Variants in FHIT observed in about 807,000 individuals in gnomAD.
FHIT encodes bis(5'-adenosyl)-triphosphatase.
FHIT carries 19 observed loss-of-function variants against 17.9 expected under a neutral mutation model. The ratio of observed to expected loss-of-function variants is 1.06; its 90% CI spans 0.74 to 1.56. FHIT has a LOEUF of 1.56. Ranked by LOEUF, FHIT falls within the 40% of genes most tolerant of loss-of-function variation. FHIT has a pLI of 0.00. For missense variants in FHIT, 248 were observed against 189.2 expected (o/e 1.31, Z -1.82); for synonymous variants, 81 against 69.7 (o/e 1.16, Z -0.81).
chr3:60,580,797 T>C (rs1448714576), intron 4 of FHIT, among the ~76,000 whole-genome samples: 1 of 152,038 alleles, frequency 6.6e-6, no homozygotes, highest in Admixed American at 6.6e-5. Context: ...TGAGGCTGTC[T>C]GGAGTAATTA....
intron 8 of FHIT, among the ~76,000 whole-genome samples, chr3:59,920,682 T>C (rs1483977768): frequency 6.6e-6 from 1 of 152,234 alleles, no homozygotes; most frequent in African/African-American, 2.4e-5. Context: ...CGTGCTAATT[T>C]ATTCATTAAA....
chr3:61,216,372 A>T (rs1451445193), intron 1 of FHIT, among the ~76,000 whole-genome samples: 2 of 152,234 alleles, frequency 1.3e-5, no homozygotes, highest in African/African-American at 4.8e-5. Context: ...ACATTTATGC[A>T]GCCAAAAAAC....
chr3:60,270,402 T>C (rs990607159), intron 5 of FHIT, among the ~76,000 whole-genome samples: 12 of 152,198 alleles, frequency 7.9e-5, no homozygotes, highest in African/African-American at 2.9e-4. Context: ...TGGTTCTACC[T>C]TTTTAAAACA....
chr3:60,902,990 G>A (rs1478362071), intron 3 of FHIT, among the ~76,000 whole-genome samples: 1 of 152,148 alleles, frequency 6.6e-6, no homozygotes, highest in African/African-American at 2.4e-5. Flanking sequence ...TACTTCCTAA[G>A]TATACAATGT....
intron 7 of FHIT, among the ~76,000 whole-genome samples, chr3:59,965,720 T>C (rs1707895590): frequency 6.6e-6 from 1 of 152,190 alleles, no homozygotes; most frequent in African/African-American, 2.4e-5. Flanking sequence ...TAAGCCCAAT[T>C]TCTAGCCTAC....
At chr3:61,250,961 G>A (rs987123487) in intron 1 of FHIT, among the ~76,000 whole-genome samples, 1 of 152,210 alleles carries the variant, frequency 6.6e-6, no homozygotes, top group Non-Finnish European at 1.5e-5. Flanking sequence ...CTATGAAACT[G>A]ACGAACCATC....
chr3:60,509,655 A>G (rs1405298677), intron 5 of FHIT, among the ~76,000 whole-genome samples: 5 of 152,190 alleles, frequency 3.3e-5, no homozygotes, highest in Non-Finnish European at 7.4e-5. Context: ...CTTGGAAAGC[A>G]TGTCCACTTT....
At chr3:60,486,304 C>G (rs1377662633) in intron 5 of FHIT, among the ~76,000 whole-genome samples, 1 of 152,012 alleles carries the variant, frequency 6.6e-6, no homozygotes, top group African/African-American at 2.4e-5. Context: ...AAAGATCAAG[C>G]CATATGTCAG....
intron 4 of FHIT, among the ~76,000 whole-genome samples, chr3:60,547,455 A>T (rs1414765715): frequency 3.3e-5 from 5 of 152,052 alleles, no homozygotes; most frequent in Non-Finnish European, 2.9e-5. Context: ...TACATAAATG[A>T]AAAAAAAGGT....
intron 4 of FHIT, among the ~76,000 whole-genome samples, chr3:60,800,928 T>C (rs1701165416): frequency 6.6e-6 from 1 of 152,130 alleles, no homozygotes; most frequent in Non-Finnish European, 1.5e-5. Flanking sequence ...TGAGATGAGT[T>C]CAGCTGTGAG....
intron 4 of FHIT, among the ~76,000 whole-genome samples, chr3:60,647,520 T>C (rs1279404842): frequency 6.6e-6 from 1 of 152,168 alleles, no homozygotes; most frequent in African/African-American, 2.4e-5. Context: ...TCTTTCCACT[T>C]GCCCAGGTTT....
chr3:60,980,926 TAGCA>T (rs1473554003), intron 3 of FHIT, among the ~76,000 whole-genome samples: 2 of 152,210 alleles, frequency 1.3e-5, no homozygotes, highest in African/African-American at 4.8e-5. Context: ...CCCCCTATTT[TAGCA>T]ATTCCCTGCG....
intron 4 of FHIT, among the ~76,000 whole-genome samples, chr3:60,572,340 T>C (rs187985829): frequency 1.0e-3 from 152 of 152,150 alleles, no homozygotes; most frequent in Admixed American, 2.8e-3. Context: ...TTCTTTTTAA[T>C]TACTCCAAGC....
chr3:61,202,303 G>A (rs550118189), intron 1 of FHIT, among the ~76,000 whole-genome samples: 38 of 150,288 alleles, frequency 2.5e-4, no homozygotes, highest in African/African-American at 8.6e-4. Context: ...TGCCCTGTCC[G>A]GGAAGTGAGG....
chr3:61,008,379 C>A (rs73104218), intron 3 of FHIT, among the ~76,000 whole-genome samples: 10,813 of 152,204 alleles, frequency 0.071, 538 homozygotes, highest in Middle Eastern at 0.11. Context: ...CCAGGGAAGG[C>A]TGCAGTTGGC....
chr3:60,064,120 GAAGGA>G (rs1176976218), intron 5 of FHIT, among the ~76,000 whole-genome samples: 3 of 152,158 alleles, frequency 2.0e-5, no homozygotes, highest in African/African-American at 7.2e-5. Flanking sequence ...TCAGAGAAGA[GAAGGA>G]AAGGAAAGTT....
chr3:60,728,636 T>C lies in FHIT; in HGVS notation c.-18+93283A>G, dbSNP rs553285995. On this transcript the variant is annotated intron_variant, in intron 4 of 9. Transcript: ENST00000492590. ...TTGTTTATTTACTAAATCTGGGGCA[T>C]ATTAGATACTTGACCAATTTAAAAT... Among the ~76,000 whole-genome samples, 37 of 152,068 alleles carry C rather than the reference T, an allele frequency of 2.4e-4. No homozygotes were observed. The South Asian group carries it at 6.4e-3, about 26-fold the overall frequency.
intron 8 of FHIT, among the ~76,000 whole-genome samples, chr3:59,830,496 G>A (rs536620095): frequency 6.6e-6 from 1 of 152,300 alleles, no homozygotes; most frequent in South Asian, 2.1e-4. Context: ...ACTGTCTCCT[G>A]AAAATGTTGC....
chr3:60,716,632 A>G lies in FHIT; in HGVS notation c.-18+105287T>C, dbSNP rs185050128. ...TATAGTTAACTGTTCTTTAATAAGT[A>G]GAAGTACATGCTAAAATAATGATAA... On this transcript the variant is annotated intron_variant, in intron 4 of 9. Transcript: ENST00000492590. 2.7e-3 allele frequency among the ~76,000 whole-genome samples: 409 copies of G among 152,328 alleles called. 2 individuals are homozygous for G. Among genetic ancestry groups the G allele is most frequent in the African/African-American group, 9.5e-3 (396 of 41,570 alleles).
Sources: allele counts gnomAD v4.1 joint callset (sites outside exome capture counted in the v4.1 genomes callset), GRCh38; gene constraint gnomAD v4.1.1; transcripts MANE v1.5; gene names NCBI Gene and HGNC (gene_info 2026-07-23, HGNC 2026-07-21).